RBMX: variants seen among roughly 807,000 people sequenced by gnomAD.
The protein encoded by RBMX is RNA binding motif protein X-linked.
Under a neutral mutation model 29.3 loss-of-function variants are expected in RBMX, and 1 was observed. The ratio of observed to expected loss-of-function variants is 0.03; its 90% CI spans 0.01 to 0.16. The LOEUF is 0.16. Among genes scored for constraint, RBMX ranks in the 10% least tolerant of loss-of-function variants. RBMX has a pLI of 1.00. For missense variants in RBMX, 121 were observed against 333.2 expected (o/e 0.36, Z 4.96); for synonymous variants, 102 against 102.3 (o/e 1.00, Z 0.02).
chrX:136,879,285 A>C, intron 2 of RBMX, 34 bp downstream of exon 2: 1 of 1,200,515 alleles, frequency 8.3e-7, no homozygotes, highest in Non-Finnish European at 1.1e-6. Context: ...TATTTTAATT[A>C]TAATAGCCCA....
intron 5 of RBMX, 70 bp from the exon 6 acceptor site, chrX:136,875,655 C>A (rs911941024): frequency 2.6e-6 from 3 of 1,141,769 alleles, no homozygotes; most frequent in African/African-American, 3.6e-5. Context: ...TACATTCAGG[C>A]TATGAAAAAT....
At position 136,878,988 on chromosome X, in the gene RBMX, G is replaced by A. The variant is rs768958868; in HGVS notation, c.216+29C>T. On this transcript the variant is annotated intron_variant, in intron 3 of 8. Transcript: ENST00000320676. ...ATGTTATTTTATGCACTAGTAACAG[G>A]TTATCATCCATCGTGTAGACAATCT... is the stretch of plus-strand genomic sequence containing the variant. The A allele has an allele frequency of 8.3e-6, 10 of 1,205,097 alleles. No individual in the cohort carries two copies. The African/African-American group carries it at 8.8e-5, about 11-fold the overall frequency.
At chrX:136,874,916 A>G in intron 8 of RBMX, 170 bp downstream of exon 8, 1 of 973,959 alleles carries the variant, frequency 1.0e-6, no homozygotes, top group Non-Finnish European at 1.3e-6. Flanking sequence ...GAAACTTAGA[A>G]AAACAAAAAA....
chrX:136,878,257 C>G (rs191294950), intron 3 of RBMX, among the ~76,000 whole-genome samples, 171 bp from the exon 4 acceptor site: 1 of 110,953 alleles, frequency 9.0e-6, no homozygotes, highest in Non-Finnish European at 1.9e-5. Context: ...GGGGCTTTTC[C>G]GCTTAAAATT....
intron 4 of RBMX, among the ~76,000 whole-genome samples, chrX:136,877,070 G>A (rs1215800903): frequency 1.8e-5 from 2 of 108,881 alleles, no homozygotes; most frequent in Admixed American, 9.7e-5. Flanking sequence ...CGGGCACAAT[G>A]GCTCACGCCT....
At chrX:136,877,709 A>G (rs1397812655) in intron 4 of RBMX, among the ~76,000 whole-genome samples, 1 of 112,151 alleles carries the variant, frequency 8.9e-6, no homozygotes, top group Non-Finnish European at 1.9e-5. Context: ...CTACTTGGAC[A>G]AGAAGTAACA....
At chrX:136,875,803 TTTG>T (rs2077721675) in intron 5 of RBMX, among the ~76,000 whole-genome samples, 1 of 109,896 alleles carries the variant, frequency 9.1e-6, no homozygotes, top group Non-Finnish European at 1.9e-5. Flanking sequence ...GACTAAAAGT[TTTG>T]TTTTTTTTTT....
intron 2 of RBMX, 49 bp from the exon 3 acceptor site, chrX:136,879,172 A>T: frequency 1.7e-6 from 2 of 1,209,381 alleles, no homozygotes; most frequent in Non-Finnish European, 2.2e-6. Context: ...GGTCAAATGA[A>T]ATAACCAAAG....
At position 136,873,626 on chromosome X, in the gene RBMX, G is replaced by A; in HGVS notation, c.*516C>T. 4.0e-6 allele frequency: 3 copies of A among 755,638 alleles called. No homozygotes were observed. The highest frequency in any genetic ancestry group is 4.7e-6 in the Non-Finnish European group (3 of 639,450). The allele number at this position is 755,638 out of a possible 1,213,427, so 62.3% of individuals were successfully genotyped here. A position where few individuals can be genotyped will look rare whatever the true frequency, so the allele number is the denominator to read the frequency against. On this transcript the variant is annotated 3_prime_UTR_variant, in exon 9 of 9. Coordinates refer to ENST00000320676, the MANE Select transcript of RBMX (RefSeq NM_002139.4). Reference sequence around the variant, plus strand: ...ATTTGCTTTTTTGGGTTTACTGGGTGAATAGCACTTTCCTTACATAGGCAT... The same window carrying A: ...ATTTGCTTTTTTGGGTTTACTGGGTAAATAGCACTTTCCTTACATAGGCAT...
In RBMX at chrX:136,876,507, T is replaced by G. The variant is rs2077731615; in HGVS notation, c.537A>C (p.Gly179=). The change falls in exon 5 of 9, where the codon GGA becomes GGC. Residue 179 remains glycine, a synonymous_variant. Transcript: ENST00000320676. ...CATCATACATGGAACATTTACCTCT[T>G]CCTCCCATTCCACTGCTACTGCGAA... is the stretch of plus-strand genomic sequence containing the variant. The part of the protein sequence containing the change: ...GPVRSSSGMG[G]RAPVSRGRDS... The G allele has an allele frequency of 8.5e-7, 1 of 1,179,291 alleles. No individual in the cohort carries two copies. The highest frequency in any genetic ancestry group is 1.1e-6 in the Non-Finnish European group (1 of 884,282).
At chrX:136,880,191 A>G (rs758217151) in intron 1 of RBMX, among the ~76,000 whole-genome samples, 2 of 111,672 alleles carry the variant, frequency 1.8e-5, no homozygotes, top group Non-Finnish European at 3.8e-5. Context: ...ACTAACTTTT[A>G]CCACCAACAT....
At chrX:136,872,620 T>C (rs2077691880), downstream of RBMX, 1 of 318,744 alleles carries the variant, frequency 3.1e-6, no homozygotes, top group Non-Finnish European at 5.5e-6. Flanking sequence ...CGAACAAAAC[T>C]TATTTGAAGG....
chrX:136,877,762 G>A (rs764004012), intron 4 of RBMX, among the ~76,000 whole-genome samples, 153 bp downstream of exon 4: 23 of 112,421 alleles, frequency 2.0e-4, no homozygotes, highest in Non-Finnish European at 3.2e-4. Context: ...TGCTTCCCAT[G>A]CTTTCAATTG....
At chrX:136,879,757 G>A (rs757285113) in intron 1 of RBMX, among the ~76,000 whole-genome samples, 7 of 111,590 alleles carry the variant, frequency 6.3e-5, no homozygotes, top group African/African-American at 2.3e-4. Flanking sequence ...TTTAGTTCCA[G>A]TCCTCTTGCC....
chrX:136,878,558 C>G (rs2148713366), intron 3 of RBMX, among the ~76,000 whole-genome samples: 1 of 99,528 alleles, frequency 1.0e-5, no homozygotes, highest in East Asian at 3.2e-4. Flanking sequence ...CCAGCCTGGC[C>G]AACATGGTGA....
chrX:136,873,474 A>C lies in RBMX; in HGVS notation c.*668T>G, dbSNP rs2077696499. 1 of 754,487 alleles carries C rather than the reference A, an allele frequency of 1.3e-6. No homozygotes were observed. Among genetic ancestry groups the C allele is most frequent in the South Asian group, 6.7e-5 (1 of 14,866 alleles). 62.2% of individuals were successfully genotyped at this position (754,487 alleles called of 1,213,427 possible). ...GCAGCTTCATGGTTGGTTTTGGCCA[A>C]ACTTTTTATTTAGTATTCTGTAGTT... is the stretch of plus-strand genomic sequence containing the variant. On this transcript the variant is annotated 3_prime_UTR_variant, in exon 9 of 9. Coordinates refer to ENST00000320676, the MANE Select transcript of RBMX (RefSeq NM_002139.4).
chrX:136,877,452 CTTTTT>C (rs551259279), intron 4 of RBMX, among the ~76,000 whole-genome samples: 26 of 85,855 alleles, frequency 3.0e-4, no homozygotes, highest in South Asian at 6.6e-4. Flanking sequence ...TCTTAAAAAA[CTTTTT>C]TTTTTTTTTT....
chrX:136,877,507 G>C (rs753168676), intron 4 of RBMX, among the ~76,000 whole-genome samples: 1 of 102,385 alleles, frequency 9.8e-6, no homozygotes, highest in South Asian at 4.8e-4. Flanking sequence ...CTGGAGTACA[G>C]TGGCACGATC....
At chrX:136,879,764 T>C (rs1239477204) in intron 1 of RBMX, among the ~76,000 whole-genome samples, 2 of 111,732 alleles carry the variant, frequency 1.8e-5, no homozygotes, top group Admixed American at 1.9e-4. Flanking sequence ...CCAGTCCTCT[T>C]GCCTTTGAAA....
Sources: gnomAD v4.1 joint callset for allele counts (sites outside exome capture counted in the v4.1 genomes callset) on GRCh38, gnomAD v4.1.1 for gene constraint, MANE v1.5 for transcripts, NCBI Gene and HGNC (gene_info 2026-07-23, HGNC 2026-07-21) for gene names.